Variants in AGO1 observed in about 807,000 individuals in gnomAD.
AGO1 encodes the protein protein argonaute-1.
In AGO1, 11 loss-of-function variants were observed where a neutral mutation model predicts 109.2. The observed-to-expected ratio is 0.10, with a 90% CI of 0.06 to 0.17. AGO1 has a LOEUF of 0.17. Among genes scored for constraint, AGO1 ranks in the 10% least tolerant of loss-of-function variants. The pLI is 1.00. For synonymous variants in AGO1, 422 were observed against 418.6 expected, an observed-to-expected ratio of 1.01 and a Z score of -0.10; for missense variants, 574 against 1,140.3, an observed-to-expected ratio of 0.50 and a Z score of 7.15.
intron 8 of AGO1, among the ~76,000 whole-genome samples, chr1:35,899,940 T>C (rs1203996670): frequency 2.0e-5 from 3 of 152,244 alleles, no homozygotes; most frequent in African/African-American, 7.2e-5. Context: ...AAAGCTGGAC[T>C]TCAAACAGAA....
intron 8 of AGO1, among the ~76,000 whole-genome samples, chr1:35,898,121 T>C (rs2148713614): frequency 6.6e-6 from 1 of 152,354 alleles, no homozygotes; most frequent in Non-Finnish European, 1.5e-5. Context: ...TTAATGGACA[T>C]TTGGATTGTT....
At chr1:35,891,145 A>G (rs564587718) in intron 2 of AGO1, among the ~76,000 whole-genome samples, 38 of 152,348 alleles carry the variant, frequency 2.5e-4, no homozygotes, top group African/African-American at 9.1e-4. Flanking sequence ...AATCAGGGAC[A>G]TGAAAAAGAT....
intron 7 of AGO1, among the ~76,000 whole-genome samples, 182 bp downstream of exon 7, chr1:35,894,584 C>T (rs1039547684): frequency 6.6e-6 from 1 of 151,474 alleles, no homozygotes; most frequent in African/African-American, 2.4e-5. Flanking sequence ...TCTGTTGATA[C>T]TCTCCCTACC....
At position 35,921,402 on chromosome 1, in the gene AGO1, T is replaced by G. The variant is rs1001277575; in HGVS notation, c.*1795T>G. 2.0e-5 allele frequency: 3 copies of G among 152,300 alleles called. No individual in the cohort carries two copies. Among genetic ancestry groups the G allele is most frequent in the African/African-American group, 7.3e-5 (3 of 41,282 alleles). The allele number at this position is 152,300 out of a possible 1,614,324, so 9.4% of individuals were successfully genotyped here. A position where few individuals can be genotyped will look rare whatever the true frequency, so the allele number is the denominator to read the frequency against. ...TTGAAGCAAGCATCCCCCCTGCCCT[T>G]TTTCCTTGACTGTTCATTTTTTTCC... is the stretch of plus-strand genomic sequence containing the variant. On this transcript the variant is annotated 3_prime_UTR_variant, in exon 19 of 19. Coordinates refer to ENST00000373204, the MANE Select transcript of AGO1 (RefSeq NM_012199.5).
At chr1:35,914,521 T>C (rs1481969346) in intron 14 of AGO1, among the ~76,000 whole-genome samples, 2 of 152,224 alleles carry the variant, frequency 1.3e-5, no homozygotes, top group African/African-American at 4.8e-5. Context: ...TTGCTCTGCA[T>C]TTGAATGTCT....
intron 12 of AGO1, among the ~76,000 whole-genome samples, chr1:35,912,287 A>T (rs888087993): frequency 2.2e-5 from 3 of 135,088 alleles, no homozygotes; most frequent in South Asian, 2.6e-4. Context: ...TGAACCCGGG[A>T]GGCGGAGCTT....
chr1:35,894,196 G>A (rs368865489), intron 6 of AGO1, 25 bp downstream of exon 6: 4 of 1,568,026 alleles, frequency 2.6e-6, no homozygotes, highest in Non-Finnish European at 3.5e-6. Context: ...GGAGGGGAAG[G>A]GAAACAGCGC....
chr1:35,914,299 C>T, intron 14 of AGO1, 25 bp downstream of exon 14: 2 of 1,591,932 alleles, frequency 1.3e-6, no homozygotes, highest in Non-Finnish European at 1.7e-6. Context: ...GTAGCTGCCT[C>T]ATAAGGTTCT....
Position 35,922,411 on chromosome 1 carries a change from T to C in AGO1, c.*2804T>C, listed in dbSNP as rs1645849048. 1 of 152,302 alleles carries C rather than the reference T, an allele frequency of 6.6e-6. No individual in the cohort carries two copies. The highest frequency in any genetic ancestry group is 2.4e-5 in the African/African-American group (1 of 41,466). The allele number at this position is 152,302 out of a possible 1,614,324, so 9.4% of individuals were successfully genotyped here. On this transcript the variant is annotated 3_prime_UTR_variant, in exon 19 of 19. Transcript: ENST00000373204. The stretch of plus-strand genomic sequence containing the variant: ...GGTGTTGGCAGCAAGCTTTGGCTCA[T>C]GTGGATTTGGTTTAAGTGGTGCTTC...
At position 35,899,972 on chromosome 1, in the gene AGO1, C is replaced by G. The variant is rs116585233; in HGVS notation, c.1021-1502C>G. Reference sequence around the variant, plus strand: ...AGAAGTATTTCCAGACCTACTGGCTCTCTCAATTCTAGAAGCCTTTCTGTT... The same window carrying G: ...AGAAGTATTTCCAGACCTACTGGCTGTCTCAATTCTAGAAGCCTTTCTGTT... On this transcript the variant is annotated intron_variant, in intron 8 of 18. Transcript: ENST00000373204. Among the ~76,000 whole-genome samples, 1,220 of 152,322 alleles carry G rather than the reference C, an allele frequency of 8.0e-3. 16 individuals carry two copies. Among genetic ancestry groups the G allele is most frequent in the African/African-American group, 0.028 (1,144 of 41,564 alleles).
intron 1 of AGO1, among the ~76,000 whole-genome samples, chr1:35,884,971 G>GT (rs1553153253): frequency 1.5e-4 from 23 of 151,900 alleles, no homozygotes; most frequent in Admixed American, 3.9e-4. Context: ...GAATTATTTT[G>GT]TTTTTTTTGT....
Position 35,893,796 on chromosome 1 carries a change from T to C in AGO1, c.635T>C (p.Met212Thr). 8 of 1,613,300 alleles carry C rather than the reference T, an allele frequency of 5.0e-6. No homozygotes were observed. The highest frequency in any genetic ancestry group is 6.8e-6 in the Non-Finnish European group (8 of 1,179,510). ...QSVRPAMWKM[M>T]LNIDVSATAF... The stretch of plus-strand genomic sequence containing the variant: ...GTGCGCCCTGCCATGTGGAAGATGA[T>C]GCTCAACATTGATGGTGAGTGGGGA... Residue 212 changes from methionine (M) to threonine (T), a missense_variant, in exon 5 of 19, where the codon ATG becomes ACG. By Grantham distance (81) the Met-to-Thr change is moderately conservative. Transcript: ENST00000373204. This position sits in a 1 kb window ranked among gnomAD's most constrained non-coding sequence, Gnocchi z 5.6.
At chr1:35,894,975 G>A (rs1645292411) in intron 7 of AGO1, 147 bp from the exon 8 acceptor site, 5 of 942,584 alleles carry the variant, frequency 5.3e-6, no homozygotes, top group African/African-American at 1.7e-5. Context: ...TGGATAGGAT[G>A]AAGCAAAGTC....
intron 6 of AGO1, 45 bp from the exon 7 acceptor site, chr1:35,894,270 A>G (rs1645276830): frequency 1.9e-6 from 3 of 1,611,258 alleles, no homozygotes; most frequent in Non-Finnish European, 2.5e-6. Context: ...GCCTGGGCAC[A>G]TGAGCAACCT....
chr1:35,901,833 A>C lies in AGO1; in HGVS notation c.1141-115A>C. The stretch of plus-strand genomic sequence containing the variant: ...CATCTTCCACTTTCTCTCTCTTTTT[A>C]GGACTATTCCGTACCAACCCCAGCT... On this transcript the variant is annotated intron_variant, in intron 9 of 18. Coordinates refer to ENST00000373204, the MANE Select transcript of AGO1 (RefSeq NM_012199.5). This position sits in a 1 kb window ranked among gnomAD's most constrained non-coding sequence, Gnocchi z 4.8. 7.0e-7 allele frequency: 1 copy of C among 1,432,304 alleles called. No homozygotes were observed. Among genetic ancestry groups the C allele is most frequent in the South Asian group, 1.4e-5 (1 of 71,358 alleles). 88.7% of individuals were successfully genotyped at this position (1,432,304 alleles called of 1,614,324 possible). A position where few individuals can be genotyped will look rare whatever the true frequency, so the allele number is the denominator to read the frequency against.
intron 11 of AGO1, 52 bp downstream of exon 11, chr1:35,902,389 C>T (rs1458314847): frequency 6.3e-7 from 1 of 1,592,016 alleles, no homozygotes; most frequent in Non-Finnish European, 8.6e-7. Context: ...CCTGGAGCTG[C>T]CTGCCTTCCT....
At chr1:35,910,766 T>C (rs1438836008) in intron 12 of AGO1, among the ~76,000 whole-genome samples, 2 of 152,146 alleles carry the variant, frequency 1.3e-5, no homozygotes, top group African/African-American at 4.8e-5. Flanking sequence ...TTTTTGACTG[T>C]TGAAAATAAT....
chr1:35,902,251 G>A lies in AGO1; in HGVS notation c.1311G>A (p.Gly437=), dbSNP rs774954734. The change falls in exon 11 of 19, where the codon GGG becomes GGA. Residue 437 remains glycine, a synonymous_variant. Transcript: ENST00000373204. The part of the protein sequence containing the change: ...TPNQGVWDMR[G]KQFYNGIEIK... Reference sequence around the variant, plus strand: ...ATCAGGGTGTCTGGGACATGCGGGGGAAACAGTTCTACAATGGGATTGAGA... The same window carrying A: ...ATCAGGGTGTCTGGGACATGCGGGGAAAACAGTTCTACAATGGGATTGAGA... 1.5e-5 allele frequency: 24 copies of A among 1,614,022 alleles called. No individual in the cohort carries two copies. Among genetic ancestry groups the A allele is most frequent in the Non-Finnish European group, 1.9e-5 (22 of 1,180,016 alleles).
In AGO1 at chr1:35,888,620, G is replaced by A. The variant is rs370650706; in HGVS notation, c.209+10G>A. The A allele has an allele frequency of 1.7e-5, 28 of 1,613,586 alleles. No homozygotes were observed. In the African/African-American group the frequency reaches 2.0e-4, roughly 12 times the overall value. On this transcript the variant is annotated intron_variant, in intron 2 of 18. Coordinates refer to ENST00000373204, the MANE Select transcript of AGO1 (RefSeq NM_012199.5). The surrounding 1 kb of genome is among the most constrained non-coding windows in gnomAD (Gnocchi z 4.1). Reference sequence around the variant, plus strand: ...CCCGTAGAGTCAACCGGTAAGTGATGCACACCTAAGCCACCAAATCTGAAA... The same window carrying A: ...CCCGTAGAGTCAACCGGTAAGTGATACACACCTAAGCCACCAAATCTGAAA...
Sources: allele counts gnomAD v4.1 joint callset (sites outside exome capture counted in the v4.1 genomes callset), GRCh38; gene constraint gnomAD v4.1.1; non-coding constraint Gnocchi (gnomAD v3.1); transcripts MANE v1.5; gene names NCBI Gene and HGNC (gene_info 2026-07-23, HGNC 2026-07-21).